GSE1: variants seen among roughly 807,000 people sequenced by gnomAD.
GSE1 encodes the protein Gse1 coiled-coil protein.
GSE1 carries 32 observed loss-of-function variants against 112.6 expected under a neutral mutation model. That is an observed-to-expected ratio of 0.28 (90% confidence interval 0.21 to 0.38). The LOEUF (loss-of-function observed/expected upper bound fraction) is 0.38. Among genes scored for constraint, GSE1 ranks in the 10% least tolerant of loss-of-function variants. GSE1 has a pLI of 1.00. For missense variants in GSE1, 2,348 were observed against 1,699.2 expected, an observed-to-expected ratio of 1.38 and a Z score of -6.71; for synonymous variants, 1,115 against 735.6, an observed-to-expected ratio of 1.52 and a Z score of -8.35.
At chr16:85,309,888 C>A (rs565067456) in intron 1 of GSE1, among the ~76,000 whole-genome samples, 2 of 152,228 alleles carry the variant, frequency 1.3e-5, no homozygotes, top group African/African-American at 4.8e-5. Context: ...GTGGCGGGCG[C>A]CCCCTTGCCA....
In GSE1 at chr16:85,598,177, T is replaced by G. The variant is rs1313491008; in HGVS notation, c.37+41814T>G. On this transcript the variant is annotated intron_variant, in intron 1 of 2. Coordinates refer to the GSE1 transcript ENST00000635906. ...GCCTGAGGTTTGGTTGTTTTTTTTT[T>G]TTTTTTTTTTTTTTCACTTTCTCAT... Among the ~76,000 whole-genome samples, 12 of 146,624 alleles carry G rather than the reference T, an allele frequency of 8.2e-5. No individual in the cohort carries two copies. In the East Asian group the frequency reaches 9.8e-4, roughly 12 times the overall value.
intron 2 of GSE1, among the ~76,000 whole-genome samples, chr16:85,470,587 A>G (rs1267513659): frequency 6.6e-6 from 1 of 152,094 alleles, no homozygotes; most frequent in Non-Finnish European, 1.5e-5. Context: ...ATTCCTTCCC[A>G]ATGCAATTGC....
intron 1 of GSE1, among the ~76,000 whole-genome samples, chr16:85,212,427 C>A (rs551105468): frequency 1.3e-5 from 2 of 152,006 alleles, no homozygotes; most frequent in African/African-American, 2.4e-5. Context: ...AACAAAAAAA[C>A]AAACCTGGGG....
exon 1 of GSE1, chr16:85,170,450 T>A: frequency 1.0e-6 from 1 of 985,494 alleles, no homozygotes; most frequent in Non-Finnish European, 1.2e-6. Context: ...AGCAGGCCGC[T>A]GGGGGAGACC....
intron 2 of GSE1, among the ~76,000 whole-genome samples, chr16:85,481,913 A>T (rs1257692798): frequency 1.3e-5 from 2 of 152,238 alleles, no homozygotes; most frequent in African/African-American, 4.8e-5. Context: ...TCCAGCCGGC[A>T]TCCACATTCT....
intron 1 of GSE1, among the ~76,000 whole-genome samples, chr16:85,565,120 G>A (rs1010846112): frequency 6.6e-6 from 1 of 152,080 alleles, no homozygotes. Context: ...GGCCGGGCAC[G>A]GTGCCTCACG....
At chr16:85,641,519 G>GCTGCTGCTACTTGGTCTC (rs1466583793) in intron 2 of GSE1, among the ~76,000 whole-genome samples, 1 of 152,262 alleles carries the variant, frequency 6.6e-6, no homozygotes, top group Non-Finnish European at 1.5e-5. Flanking sequence ...TTGTAGGGCG[G>GCTGCTGCTACTTGGTCTC]CTGCTGCTAC....
At chr16:85,655,968 G>A in intron 6 of GSE1, 51 bp downstream of exon 6, 1 of 1,434,024 alleles carries the variant, frequency 7.0e-7, no homozygotes, top group Non-Finnish European at 9.5e-7. Context: ...GTCCCTTGAT[G>A]GCAGCTGGGC....
At chr16:85,398,830 T>C (rs1290587580) in intron 2 of GSE1, among the ~76,000 whole-genome samples, 1 of 152,122 alleles carries the variant, frequency 6.6e-6, no homozygotes, top group Non-Finnish European at 1.5e-5. Context: ...TGGGTGCATG[T>C]GTACACGTGC....
chr16:85,443,982 CTT>C (rs67916368), intron 2 of GSE1, among the ~76,000 whole-genome samples: 5,157 of 77,374 alleles, frequency 0.067, 110 homozygotes, highest in East Asian at 0.21. Flanking sequence ...CAAGGGGGCG[CTT>C]TTTTTTTTTT....
intron 2 of GSE1, among the ~76,000 whole-genome samples, chr16:85,467,304 C>T (rs765338992): frequency 6.6e-6 from 1 of 152,254 alleles, no homozygotes; most frequent in Non-Finnish European, 1.5e-5. Context: ...TCAGTTTCCT[C>T]ATCTCTAAAA....
chr16:85,578,493 G>A (rs1009558670), intron 1 of GSE1, among the ~76,000 whole-genome samples: 7 of 152,032 alleles, frequency 4.6e-5, no homozygotes, highest in African/African-American at 1.7e-4. Flanking sequence ...TCCCTTTCCC[G>A]ACTTTCTCTG....
intron 2 of GSE1, among the ~76,000 whole-genome samples, chr16:85,377,233 C>G (rs1277006548): frequency 6.6e-6 from 1 of 152,204 alleles, no homozygotes; most frequent in Admixed American, 6.5e-5. Flanking sequence ...GTGCTTCTCT[C>G]TGGGTGTGTC....
At chr16:85,416,224 A>G (rs1315154965) in intron 2 of GSE1, among the ~76,000 whole-genome samples, 1 of 152,184 alleles carries the variant, frequency 6.6e-6, no homozygotes, top group African/African-American at 2.4e-5. Flanking sequence ...TTATGTTGAG[A>G]GTGGAATATA....
chr16:85,226,890 C>G (rs944502377), intron 1 of GSE1, among the ~76,000 whole-genome samples: 5 of 151,178 alleles, frequency 3.3e-5, no homozygotes, highest in African/African-American at 1.2e-4. Flanking sequence ...TGGGGGAAGA[C>G]TTTGCAGGCT....
upstream of GSE1, chr16:85,613,097 G>C (rs1000235032): frequency 5.9e-6 from 5 of 844,372 alleles, no homozygotes; most frequent in Middle Eastern, 4.0e-4. Context: ...GGCGCCCGTC[G>C]GTGCGCGCGC....
At chr16:85,219,931 G>A (rs1021148133) in intron 1 of GSE1, among the ~76,000 whole-genome samples, 12 of 152,212 alleles carry the variant, frequency 7.9e-5, no homozygotes, top group African/African-American at 2.9e-4. Context: ...TTTGGAACAG[G>A]TGGGCAGCAT....
chr16:85,467,363 A>G (rs2050153204), intron 2 of GSE1, among the ~76,000 whole-genome samples: 1 of 152,242 alleles, frequency 6.6e-6, no homozygotes, highest in Admixed American at 6.5e-5. Context: ...AGCTATTGCT[A>G]TGTAACAAAC....
At chr16:85,446,541 G>T (rs1232484360) in intron 2 of GSE1, among the ~76,000 whole-genome samples, 1 of 152,176 alleles carries the variant, frequency 6.6e-6, no homozygotes. Context: ...TCTGGGTTCT[G>T]CGATGACCGG....
Sources: allele counts gnomAD v4.1 joint callset (sites outside exome capture counted in the v4.1 genomes callset), GRCh38; gene constraint gnomAD v4.1.1; transcripts MANE v1.5; gene names NCBI Gene and HGNC (gene_info 2026-07-23, HGNC 2026-07-21).